The following SPTBN4 variants were observed in gnomAD, a reference collection of about 807,000 sequenced individuals.
The protein encoded by SPTBN4 is spectrin beta chain, non-erythrocytic 4.
SPTBN4 carries 96 observed loss-of-function variants against 277.8 expected under a neutral mutation model. The observed-to-expected ratio is 0.35, with a 90% CI of 0.29 to 0.41. The LOEUF (loss-of-function observed/expected upper bound fraction) is 0.41, where lower values mean the gene tolerates loss of function less well. Ranked by LOEUF, SPTBN4 falls within the 10% of genes least tolerant of loss-of-function variation. The probability of loss-of-function intolerance (pLI) is 1.00; values close to 1 mark genes in which losing one functional copy is unlikely to be tolerated. For missense variants in SPTBN4, 3,006 were observed against 3,595.7 expected, an observed-to-expected ratio of 0.84 and a Z score of 4.19; for synonymous variants, 1,481 against 1,580.3, an observed-to-expected ratio of 0.94 and a Z score of 1.49.
intron 15 of SPTBN4, among the ~76,000 whole-genome samples, chr19:40,516,201 G>A (rs935999758): frequency 4.9e-5 from 7 of 143,102 alleles, no homozygotes; most frequent in Non-Finnish European, 9.0e-5. Flanking sequence ...TTGTGCCACT[G>A]CACTCCAGCC....
In SPTBN4 at chr19:40,534,323, A is replaced by G; in HGVS notation, c.4339A>G (p.Ser1447Gly). The G allele has an allele frequency of 6.2e-7, 1 of 1,613,654 alleles. No individual in the cohort carries two copies. Among genetic ancestry groups the G allele is most frequent in the Non-Finnish European group, 8.5e-7 (1 of 1,180,024 alleles). The change falls in exon 20 of 36, where the codon AGT becomes GGT. Residue 1447 changes from serine (S) to glycine (G), a missense_variant. Around this residue, in one of 5 missense-constraint regions of SPTBN4, gnomAD observed 1,759 missense variants for 2,061.5 expected, o/e 0.85. Transcript: ENST00000598249. Reference sequence around the variant, plus strand: ...TGGAGGAGACCTGGCCACTGTCAACAGTCAGCTCAAGAAGCTGCAGGTATG... The same window carrying G: ...TGGAGGAGACCTGGCCACTGTCAACGGTCAGCTCAAGAAGCTGCAGGTATG... The part of the protein sequence containing the change: ...DPGGDLATVN[S>G]QLKKLQSMES...
At chr19:40,543,597 G>A (rs1301543691) in intron 20 of SPTBN4, among the ~76,000 whole-genome samples, 1 of 151,918 alleles carries the variant, frequency 6.6e-6, no homozygotes. Context: ...AGTCATTTGT[G>A]GTAATCTGCT....
In SPTBN4 at chr19:40,487,702, C is replaced by T; in HGVS notation, c.175C>T (p.Arg59Trp). Residue 59 changes from arginine (R) to tryptophan (W), a missense_variant, in exon 3 of 36, where the codon CGG becomes TGG. Arg to Trp is a moderately radical substitution (Grantham distance 101). Around this residue, in one of 5 missense-constraint regions of SPTBN4, gnomAD observed 114 missense variants for 196.1 expected, o/e 0.58. Coordinates refer to ENST00000598249, the MANE Select transcript of SPTBN4 (RefSeq NM_020971.3). ...CSRIKALADE[R>W]EAVQKKTFTK... ...CATCAGGGCCTCTCCTCCAGATGAG[C>T]GGGAAGCCGTGCAGAAGAAAACCTT... 1 of 1,610,970 alleles carries T rather than the reference C, an allele frequency of 6.2e-7. No individual in the cohort carries two copies.
chr19:40,573,760 G>A (rs1439106969), intron 35 of SPTBN4, among the ~76,000 whole-genome samples: 4 of 151,508 alleles, frequency 2.6e-5, no homozygotes, highest in Admixed American at 6.6e-5. Context: ...CTGAGACAGC[G>A]CCATTGCACT....
At position 40,565,722 on chromosome 19, in the gene SPTBN4, G is replaced by A. The variant is rs1202614686; in HGVS notation, c.6116G>A (p.Arg2039His). ...GAGGAGGTGTCGGAAAAGTGGGACC[G>A]CCATTGGGAGTGGCTGCAGCAGAGT... ...RKEEVSEKWDRHWEWLQQMLE... is the reference protein window; with the variant it reads ...RKEEVSEKWDHHWEWLQQMLE... The change falls in exon 29 of 36, where the codon CGC becomes CAC. Residue 2039 changes from arginine to histidine, a missense_variant. Coordinates refer to ENST00000598249, the MANE Select transcript of SPTBN4 (RefSeq NM_020971.3). 11 of 1,553,236 alleles carry A rather than the reference G, an allele frequency of 7.1e-6. No individual in the cohort carries two copies. Among genetic ancestry groups the A allele is most frequent in the Middle Eastern group, 3.4e-4 (2 of 5,872 alleles).
At position 40,556,084 on chromosome 19, in the gene SPTBN4, C is replaced by A; in HGVS notation, c.5085C>A (p.Ser1695Arg). 6 of 1,608,876 alleles carry A rather than the reference C, an allele frequency of 3.7e-6. No individual in the cohort carries two copies. The highest frequency in any genetic ancestry group is 5.1e-6 in the Non-Finnish European group (6 of 1,177,916). Residue 1695 changes from serine (S) to arginine (R), a missense_variant and splice_region_variant, in exon 25 of 36, where the codon AGC becomes AGA. Ser to Arg is a moderately radical substitution (Grantham distance 110, BLOSUM62 -1). This residue lies in a region of SPTBN4 where 425 missense variants were observed against 594.7 expected (regional missense o/e 0.71). Transcript: ENST00000598249. ...RALLEMGHPD[S>R]EQISRRQSQV... Reference sequence around the variant, plus strand: ...CCTGCCCCTCCATGTCCCCCTTCAGCGAGCAGATCAGCCGGCGGCAGTCTC... The same window carrying A: ...CCTGCCCCTCCATGTCCCCCTTCAGAGAGCAGATCAGCCGGCGGCAGTCTC...
At chr19:40,543,173 G>A (rs766820609) in intron 20 of SPTBN4, among the ~76,000 whole-genome samples, 1 of 152,014 alleles carries the variant, frequency 6.6e-6, no homozygotes, top group Admixed American at 6.6e-5. Context: ...GAGAGTGGCC[G>A]GGCACAGTGG....
In SPTBN4 at chr19:40,554,209, C is replaced by G; in HGVS notation, c.4737C>G (p.Gly1579=). ...TGGAGGAGGTGCTGGAGCGCGCGGG[C>G]GCGCTGGCGTCGCTGCGCAGCCCGG... The part of the protein sequence containing the change: ...PRLEEVLERA[G]ALASLRSPEA... The change falls in exon 23 of 36, where the codon GGC becomes GGG. Residue 1579 remains glycine, a synonymous_variant. Transcript: ENST00000598249. The surrounding 1 kb of genome is among the most constrained non-coding windows in gnomAD (Gnocchi z 5.7). 4 of 1,484,066 alleles carry G rather than the reference C, an allele frequency of 2.7e-6. No individual in the cohort carries two copies. Among genetic ancestry groups the G allele is most frequent in the Non-Finnish European group, 3.5e-6 (4 of 1,129,466 alleles). The allele number at this position is 1,484,066 out of a possible 1,614,324, so 91.9% of individuals were successfully genotyped here. A position where few individuals can be genotyped will look rare whatever the true frequency, so the allele number is the denominator to read the frequency against.
At position 40,512,613 on chromosome 19, in the gene SPTBN4, G is replaced by T; in HGVS notation, c.1824G>T (p.Gln608His). 6.5e-7 allele frequency: 1 copy of T among 1,536,104 alleles called. No individual in the cohort carries two copies. The highest frequency in any genetic ancestry group is 2.5e-5 in the East Asian group (1 of 39,764). Reference sequence around the variant, plus strand: ...CCCCTTCTCCTGGCTCAGGCTACCAGCCCTGCGACCCGCAGGTCATCTGCA... The same window carrying T: ...CCCCTTCTCCTGGCTCAGGCTACCATCCCTGCGACCCGCAGGTCATCTGCA... ...ALRFSQLQGY[Q>H]PCDPQVICNR... is the part of the protein sequence containing the mutation. The change falls in exon 14 of 36, where the codon CAG (glutamine) becomes CAT (histidine). Residue 608 changes from glutamine (Q) to histidine (H), a missense_variant. Physicochemically the swap from Gln to His is conservative, Grantham distance 24. Coordinates refer to ENST00000598249, the MANE Select transcript of SPTBN4 (RefSeq NM_020971.3).
chr19:40,534,361 C>G lies in SPTBN4; in HGVS notation c.4359+18C>G. On this transcript the variant is annotated intron_variant, in intron 20 of 35. Transcript: ENST00000598249. ...AGCTGCAGGTATGGTCTTCCTGGCCCAGATGAGGGCTCCCTATGCCACATG... is the reference window on the plus strand; with the variant it reads ...AGCTGCAGGTATGGTCTTCCTGGCCGAGATGAGGGCTCCCTATGCCACATG... The G allele has an allele frequency of 6.2e-7, 1 of 1,609,536 alleles. No homozygotes were observed. Among genetic ancestry groups the G allele is most frequent in the Admixed American group, 1.7e-5 (1 of 59,940 alleles).
At chr19:40,505,643 C>A (rs814523) in intron 12 of SPTBN4, among the ~76,000 whole-genome samples, 1 of 150,010 alleles carries the variant, frequency 6.7e-6, no homozygotes, top group African/African-American at 2.5e-5. Flanking sequence ...GCACTCCAGC[C>A]TGGGTGACAG....
intron 20 of SPTBN4, among the ~76,000 whole-genome samples, chr19:40,542,069 G>A (rs2080808143): frequency 6.6e-6 from 1 of 152,248 alleles, no homozygotes. Context: ...TTACAGGCGT[G>A]AGCCACCACG....
At chr19:40,496,966 G>A (rs1462093145) in intron 6 of SPTBN4, among the ~76,000 whole-genome samples, 1 of 151,568 alleles carries the variant, frequency 6.6e-6, no homozygotes, top group African/African-American at 2.4e-5. Context: ...CCAGCTACTT[G>A]GGAGGCTGAG....
chr19:40,487,180 G>A lies in SPTBN4; in HGVS notation c.170-517G>A, dbSNP rs565271635. ...TCTCCCGAGTAGCTGGGATTAACAG[G>A]CATGCACCACCATGCCCGGTTAAGT... On this transcript the variant is annotated intron_variant, in intron 2 of 35. Transcript: ENST00000598249. Among the ~76,000 whole-genome samples, 5 of 151,512 alleles carry A rather than the reference G, an allele frequency of 3.3e-5. No individual in the cohort carries two copies. The South Asian group carries it at 1.0e-3, about 32-fold the overall frequency.
chr19:40,548,341 A>T (rs1212723091), intron 20 of SPTBN4, among the ~76,000 whole-genome samples: 1 of 152,160 alleles, frequency 6.6e-6, no homozygotes, highest in Non-Finnish European at 1.5e-5. Flanking sequence ...TACAAAAAAA[A>T]TTAGCAAGGC....
At position 40,513,046 on chromosome 19, in the gene SPTBN4, C is replaced by G; in HGVS notation, c.2257C>G (p.Arg753Gly). 7.0e-7 allele frequency: 1 copy of G among 1,419,450 alleles called. No individual in the cohort carries two copies. Among genetic ancestry groups the G allele is most frequent in the South Asian group, 1.4e-5 (1 of 70,130 alleles). 87.9% of individuals were successfully genotyped at this position (1,419,450 alleles called of 1,614,324 possible). ...GGCGGAGCGCGCGGCGAGCGCCCGG[C>G]GCCGCTGGCAGAGGCTGGAAGAGGC... ...GLAERAASAR[R>G]RWQRLEEAAA... The change falls in exon 14 of 36, where the codon CGC (arginine) becomes GGC (glycine). Residue 753 changes from arginine (R) to glycine (G), a missense_variant. By Grantham distance (125) the Arg-to-Gly change is moderately radical (BLOSUM62 -2). Around this residue, in one of 5 missense-constraint regions of SPTBN4, gnomAD observed 1,759 missense variants for 2,061.5 expected, o/e 0.85. Transcript: ENST00000598249.
rs372697710 is a variant in SPTBN4, at chr19:40,568,292, C to A, written c.6956+10C>A. ...GAGACCTGGTCAAGGGGTGAGGTGCCCGCCTTATGACCAGAAAGTGAGGGG... is the reference window on the plus strand; with the variant it reads ...GAGACCTGGTCAAGGGGTGAGGTGCACGCCTTATGACCAGAAAGTGAGGGG... On this transcript the variant is annotated intron_variant, in intron 31 of 35. Transcript: ENST00000598249. 6.3e-7 allele frequency: 1 copy of A among 1,593,588 alleles called. No individual in the cohort carries two copies. Among genetic ancestry groups the A allele is most frequent in the East Asian group, 2.3e-5 (1 of 43,920 alleles).
intron 22 of SPTBN4, among the ~76,000 whole-genome samples, chr19:40,553,010 C>A (rs2080935574): frequency 1.3e-5 from 2 of 152,218 alleles, no homozygotes; most frequent in Non-Finnish European, 2.9e-5. Context: ...CTGATACTAG[C>A]TGTGTGACCT....
chr19:40,554,771 G>A lies in SPTBN4; in HGVS notation c.5084+125G>A. 1.4e-6 allele frequency: 2 copies of A among 1,468,592 alleles called. No individual in the cohort carries two copies. Among genetic ancestry groups the A allele is most frequent in the Non-Finnish European group, 1.8e-6 (2 of 1,088,296 alleles). The allele number at this position is 1,468,592 out of a possible 1,614,324, so 91.0% of individuals were successfully genotyped here. A position where few individuals can be genotyped will look rare whatever the true frequency, so the allele number is the denominator to read the frequency against. On this transcript the variant is annotated intron_variant, in intron 24 of 35. Transcript: ENST00000598249. The surrounding 1 kb of genome is among the most constrained non-coding windows in gnomAD (Gnocchi z 5.7). ...GAGGTCCTCCTTGCTGTGTGCTGGA[G>A]CCCTCGAATTTGGCAAGTGGGCGGG...
Sources: gnomAD v4.1 joint callset for allele counts (sites outside exome capture counted in the v4.1 genomes callset) on GRCh38, gnomAD v4.1.1 for gene constraint, gnomAD v4.1.1 regional missense constraint, Gnocchi (gnomAD v3.1) non-coding constraint, MANE v1.5 for transcripts, NCBI Gene and HGNC (gene_info 2026-07-23, HGNC 2026-07-21) for gene names.